Variants in ZNF83 observed in about 807,000 individuals in gnomAD.
ZNF83 encodes zinc finger protein 816B.
For synonymous variants in ZNF83, 209 were observed against 213.0 expected (o/e 0.98, Z 0.17); for missense variants, 552 against 629.9 (o/e 0.88, Z 1.32).
upstream of ZNF83, among the ~76,000 whole-genome samples, chr19:52,638,750 G>T (rs1010721147): frequency 1.3e-5 from 2 of 152,242 alleles, no homozygotes; most frequent in Non-Finnish European, 2.9e-5. Flanking sequence ...GCTGTGCTCA[G>T]CTTTAGAGAC....
At chr19:52,613,095 A>G in exon 3 of ZNF83, 3 of 1,613,906 alleles carry the variant, frequency 1.9e-6, no homozygotes, top group South Asian at 1.1e-5. Context: ...AGAGTTTGCC[A>G]CATTCATTAC....
chr19:52,615,016 C>T (rs1447783108), intron 2 of ZNF83, among the ~76,000 whole-genome samples: 1 of 152,018 alleles, frequency 6.6e-6, no homozygotes, highest in Non-Finnish European at 1.5e-5. Context: ...TGCAGAAAAG[C>T]CTAGTATAAA....
At chr19:52,661,534 C>T (rs1401073788) in intron 1 of ZNF83, among the ~76,000 whole-genome samples, 3 of 152,164 alleles carry the variant, frequency 2.0e-5, no homozygotes, top group Non-Finnish European at 2.9e-5. Flanking sequence ...CCAGCGCCAT[C>T]GTATTATTGA....
At chr19:52,682,128 G>A (rs1306830009) in intron 1 of ZNF83, among the ~76,000 whole-genome samples, 2 of 152,066 alleles carry the variant, frequency 1.3e-5, no homozygotes, top group Non-Finnish European at 2.9e-5. Context: ...TTACGGGCAT[G>A]AGCCACCGTG....
intron 3 of ZNF83, among the ~76,000 whole-genome samples, chr19:52,645,732 G>A (rs961575964): frequency 6.6e-6 from 1 of 151,732 alleles, no homozygotes; most frequent in Non-Finnish European, 1.5e-5. Context: ...ACTTGAACCC[G>A]GGAGACAGAG....
chr19:52,623,941 A>ATAC (rs1208441626), intron 2 of ZNF83, among the ~76,000 whole-genome samples: 11 of 152,150 alleles, frequency 7.2e-5, no homozygotes, highest in South Asian at 4.1e-4. Flanking sequence ...TTTGTTCTCA[A>ATAC]TACTGCCCTC....
At chr19:52,682,130 G>T (rs1387926938) in intron 1 of ZNF83, among the ~76,000 whole-genome samples, 1 of 152,054 alleles carries the variant, frequency 6.6e-6, no homozygotes, top group Non-Finnish European at 1.5e-5. Flanking sequence ...ACGGGCATGA[G>T]CCACCGTGCC....
chr19:52,654,770 T>C (rs11667299), intron 3 of ZNF83: 26,930 of 156,184 alleles, frequency 0.17, 2,440 homozygotes, highest in Middle Eastern at 0.24. Flanking sequence ...GCCTGAATGA[T>C]GTCCTCCCTA....
intron 1 of ZNF83, among the ~76,000 whole-genome samples, chr19:52,680,644 G>A (rs1401224058): frequency 4.4e-5 from 5 of 112,860 alleles, no homozygotes; most frequent in Non-Finnish European, 1.6e-5. Flanking sequence ...ACGGAGTCTC[G>A]CTCTGTCGCC....
intron 2 of ZNF83, among the ~76,000 whole-genome samples, chr19:52,619,900 T>A (rs2060470693): frequency 6.6e-6 from 1 of 151,352 alleles, no homozygotes; most frequent in Admixed American, 6.6e-5. Flanking sequence ...GAAAAAAAAA[T>A]TTAGCTGGGC....
chr19:52,619,780 G>A (rs1049083546), intron 2 of ZNF83, among the ~76,000 whole-genome samples: 1 of 152,044 alleles, frequency 6.6e-6, no homozygotes, highest in Non-Finnish European at 1.5e-5. Context: ...CCAGCTACAT[G>A]GGAGGCTGAG....
At chr19:52,619,857 A>AG (rs1285530702) in intron 2 of ZNF83, among the ~76,000 whole-genome samples, 1 of 152,150 alleles carries the variant, frequency 6.6e-6, no homozygotes, top group African/African-American at 2.4e-5. Context: ...ACTGCACTCC[A>AG]GCCTGTTCAA....
chr19:52,666,098 A>G (rs1406658665), intron 1 of ZNF83, among the ~76,000 whole-genome samples: 1 of 149,666 alleles, frequency 6.7e-6, no homozygotes, highest in African/African-American at 2.5e-5. Context: ...CGGGAGGCGG[A>G]GCTTGCAGTG....
chr19:52,639,234 G>T (rs1363603211), upstream of ZNF83, among the ~76,000 whole-genome samples: 1 of 151,858 alleles, frequency 6.6e-6, no homozygotes, highest in African/African-American at 2.4e-5. Flanking sequence ...TCACAGGGAT[G>T]TGCCACCATG....
chr19:52,674,108 T>A (rs1229878098), intron 1 of ZNF83: 1 of 151,606 alleles, frequency 6.6e-6, no homozygotes, highest in Non-Finnish European at 1.5e-5. Context: ...CCCTCTGATA[T>A]GGCTCTAGAC....
At chr19:52,622,232 G>C (rs1418548256) in intron 2 of ZNF83, among the ~76,000 whole-genome samples, 8 of 152,100 alleles carry the variant, frequency 5.3e-5, no homozygotes, top group African/African-American at 1.4e-4. Flanking sequence ...CTGGAGCTGA[G>C]GGCATCGGCA....
At chr19:52,676,079 T>C (rs1022299299) in intron 1 of ZNF83, among the ~76,000 whole-genome samples, 5 of 152,038 alleles carry the variant, frequency 3.3e-5, no homozygotes, top group African/African-American at 9.7e-5. Context: ...GCAACCTCCC[T>C]GCCTGATTCT....
intron 1 of ZNF83, among the ~76,000 whole-genome samples, chr19:52,668,955 CTCCCAACACTA>C (rs2061688624): frequency 6.6e-6 from 1 of 152,196 alleles, no homozygotes; most frequent in South Asian, 2.1e-4. Flanking sequence ...CAGCTTCCAA[CTCCCAACACTA>C]AGTTCACTTT....
chr19:52,661,742 A>T lies in ZNF83; in HGVS notation c.-282-899T>A, dbSNP rs565379800. ...ACCAGGATCCAGTGAACAGCGAAGG[A>T]GCTAAAAGAATCACACAGAACAGGT... On this transcript the variant is annotated intron_variant, in intron 1 of 5. Transcript: ENST00000594682. Among the ~76,000 whole-genome samples, 3 of 152,238 alleles carry T rather than the reference A, an allele frequency of 2.0e-5. No homozygotes were observed. The East Asian group carries it at 5.8e-4, about 29-fold the overall frequency.
Sources: gnomAD v4.1 joint callset for allele counts (sites outside exome capture counted in the v4.1 genomes callset) on GRCh38, gnomAD v4.1.1 for gene constraint, MANE v1.5 for transcripts, NCBI Gene and HGNC (gene_info 2026-07-23, HGNC 2026-07-21) for gene names.